Variants in RAMP1 observed in about 807,000 individuals in gnomAD.
The protein encoded by RAMP1 is receptor activity-modifying protein 1.
A neutral mutation model predicts 8.2 loss-of-function variants in RAMP1; 7 were observed. The ratio of observed to expected loss-of-function variants is 0.85; its 90% CI spans 0.49 to 1.60. RAMP1 has a LOEUF of 1.60. Ranked by LOEUF, RAMP1 falls within the 40% of genes most tolerant of loss-of-function variation. The pLI, the probability that RAMP1 is intolerant of heterozygous loss-of-function variation, is 0.00. For synonymous variants in RAMP1, 92 were observed against 84.7 expected, an observed-to-expected ratio of 1.09 and a Z score of -0.47; for missense variants, 192 against 202.4, an observed-to-expected ratio of 0.95 and a Z score of 0.31.
intron 1 of RAMP1, among the ~76,000 whole-genome samples, chr2:237,869,024 A>G (rs1323134760): frequency 6.6e-6 from 1 of 152,100 alleles, no homozygotes; most frequent in African/African-American, 2.4e-5. Context: ...GTTTTTATGT[A>G]TCCATCCCGG....
At chr2:237,886,005 G>T (rs2062427544) in intron 2 of RAMP1, among the ~76,000 whole-genome samples, 1 of 152,220 alleles carries the variant, frequency 6.6e-6, no homozygotes, top group African/African-American at 2.4e-5. Flanking sequence ...AGGGGGCAGA[G>T]GAGGAGAGAA....
chr2:237,893,367 T>C (rs983670163), intron 2 of RAMP1, among the ~76,000 whole-genome samples: 6 of 152,236 alleles, frequency 3.9e-5, no homozygotes, highest in Admixed American at 2.6e-4. Flanking sequence ...TCGTTAAGCC[T>C]GCAGAAGCTT....
chr2:237,898,348 T>C (rs554718319), intron 2 of RAMP1, among the ~76,000 whole-genome samples: 4 of 152,318 alleles, frequency 2.6e-5, no homozygotes, highest in South Asian at 4.1e-4. Flanking sequence ...CACAGGTACA[T>C]AGGACTTCTA....
At chr2:237,886,263 C>T (rs933224312) in intron 2 of RAMP1, among the ~76,000 whole-genome samples, 10 of 152,158 alleles carry the variant, frequency 6.6e-5, no homozygotes, top group Non-Finnish European at 1.0e-4. Context: ...CGCGCGTGAC[C>T]GTGGTTGTGC....
chr2:237,908,139 C>T (rs1253699883), intron 2 of RAMP1, among the ~76,000 whole-genome samples: 4 of 152,256 alleles, frequency 2.6e-5, no homozygotes, highest in African/African-American at 9.6e-5. Context: ...TGTGGTGCCC[C>T]ACCCTCTGCT....
intron 2 of RAMP1, among the ~76,000 whole-genome samples, chr2:237,896,839 G>C (rs947284459): frequency 1.3e-5 from 2 of 152,066 alleles, no homozygotes; most frequent in African/African-American, 4.8e-5. Flanking sequence ...AGAGATGGGG[G>C]AGTCTCTCTG....
intron 2 of RAMP1, among the ~76,000 whole-genome samples, chr2:237,907,075 C>A (rs1043679600): frequency 6.6e-6 from 1 of 152,170 alleles, no homozygotes; most frequent in African/African-American, 2.4e-5. Flanking sequence ...TCCAGGCTGA[C>A]AAATGTGTTT....
intron 2 of RAMP1, among the ~76,000 whole-genome samples, chr2:237,907,521 CTT>C (rs2062665866): frequency 6.6e-6 from 1 of 150,852 alleles, no homozygotes; most frequent in African/African-American, 2.4e-5. Flanking sequence ...TTTTTTTTCT[CTT>C]TGTGTTCCAG....
In RAMP1 at chr2:237,877,713, T is replaced by A. The variant is rs928326728; in HGVS notation, c.191+351T>A. On this transcript the variant is annotated intron_variant, in intron 2 of 2. Transcript: ENST00000254661. The surrounding 1 kb of genome is among the most constrained non-coding windows in gnomAD (Gnocchi z 4.4). ...GGTGGCCGGGTCTCTGACTGGAGCCTGGCTTCAGGGACGTCCCTGCTGATT... is the reference window on the plus strand; with the variant it reads ...GGTGGCCGGGTCTCTGACTGGAGCCAGGCTTCAGGGACGTCCCTGCTGATT... 1.3e-5 allele frequency among the ~76,000 whole-genome samples: 2 copies of A among 152,168 alleles called. No homozygotes were observed. Among genetic ancestry groups the A allele is most frequent in the Admixed American group, 1.3e-4 (2 of 15,270 alleles).
At chr2:237,883,075 C>A (rs866120060) in intron 2 of RAMP1, among the ~76,000 whole-genome samples, 1 of 152,196 alleles carries the variant, frequency 6.6e-6, no homozygotes, top group African/African-American at 2.4e-5. Flanking sequence ...GCCAAGCAAG[C>A]AGAACCAGGC....
At chr2:237,888,315 T>G (rs572804412) in intron 2 of RAMP1, among the ~76,000 whole-genome samples, 1 of 152,208 alleles carries the variant, frequency 6.6e-6, no homozygotes, top group Non-Finnish European at 1.5e-5. Flanking sequence ...CCTCTCAAAG[T>G]GCTGGAATTA....
intron 1 of RAMP1, among the ~76,000 whole-genome samples, chr2:237,875,262 C>T (rs1375327860): frequency 6.6e-6 from 1 of 152,158 alleles, no homozygotes; most frequent in Non-Finnish European, 1.5e-5. Flanking sequence ...GGTGCATCCA[C>T]AGCGGGCCCA....
rs1377209222 is a variant in RAMP1, at chr2:237,877,354, G to C, written c.183G>C (p.Arg61Ser). The C allele has an allele frequency of 1.9e-6, 3 of 1,612,676 alleles. No individual in the cohort carries two copies. Among genetic ancestry groups the C allele is most frequent in the Non-Finnish European group, 2.5e-6 (3 of 1,179,352 alleles). Reference protein sequence around the residue: ...VGETLWCDWGRTIRSYRELAD... With the variant: ...VGETLWCDWGSTIRSYRELAD... Reference sequence around the variant, plus strand: ...AGACGCTGTGGTGTGACTGGGGCAGGACCATCAGGTGAGTCCCATGGCCCC... The same window carrying C: ...AGACGCTGTGGTGTGACTGGGGCAGCACCATCAGGTGAGTCCCATGGCCCC... The change falls in exon 2 of 3, where the codon AGG becomes AGC. Residue 61 changes from arginine (R) to serine (S), a missense_variant. Arg to Ser is a moderately radical substitution (Grantham distance 110). Coordinates refer to ENST00000254661, the MANE Select transcript of RAMP1 (RefSeq NM_005855.4). The surrounding 1 kb of genome is among the most constrained non-coding windows in gnomAD (Gnocchi z 4.4).
chr2:237,893,358 C>T (rs1241283160), intron 2 of RAMP1, among the ~76,000 whole-genome samples: 13 of 152,176 alleles, frequency 8.5e-5, no homozygotes, highest in Non-Finnish European at 2.9e-5. Flanking sequence ...CTGATGGCCT[C>T]GTTAAGCCTG....
intron 2 of RAMP1, among the ~76,000 whole-genome samples, chr2:237,908,567 A>G (rs2062676079): frequency 6.6e-6 from 1 of 151,978 alleles, no homozygotes; most frequent in Admixed American, 6.6e-5. Context: ...ACTCCCTCGT[A>G]GCTGGGATTA....
intron 2 of RAMP1, among the ~76,000 whole-genome samples, chr2:237,885,908 T>C (rs1356059198): frequency 1.3e-5 from 2 of 152,108 alleles, no homozygotes; most frequent in Non-Finnish European, 2.9e-5. Flanking sequence ...TCAGCACTAA[T>C]GGCCAGCCCC....
chr2:237,892,276 CTTTTTT>C (rs201847138), intron 2 of RAMP1, among the ~76,000 whole-genome samples: 1 of 134,376 alleles, frequency 7.4e-6, no homozygotes, highest in Non-Finnish European at 1.6e-5. Flanking sequence ...TTCTTTCTTT[CTTTTTT>C]TTTTTTTTTT....
chr2:237,872,376 G>A (rs891127164), intron 1 of RAMP1, among the ~76,000 whole-genome samples: 1 of 152,196 alleles, frequency 6.6e-6, no homozygotes, highest in Non-Finnish European at 1.5e-5. Context: ...ATTAGTGTGG[G>A]GTGGCCAGGT....
intron 2 of RAMP1, among the ~76,000 whole-genome samples, chr2:237,901,966 G>A (rs1559953047): frequency 1.3e-5 from 2 of 152,126 alleles, no homozygotes; most frequent in Admixed American, 6.5e-5. Flanking sequence ...CCTCAGGAGG[G>A]GAGGGCACCC....
Sources: gnomAD v4.1 joint callset for allele counts (sites outside exome capture counted in the v4.1 genomes callset) on GRCh38, gnomAD v4.1.1 for gene constraint, Gnocchi (gnomAD v3.1) non-coding constraint, MANE v1.5 for transcripts, NCBI Gene and HGNC (gene_info 2026-07-23, HGNC 2026-07-21) for gene names.